ACTR3B: variants seen among roughly 807,000 people sequenced by gnomAD.
The protein encoded by ACTR3B is actin related protein 3B.
A neutral mutation model predicts 59.0 loss-of-function variants in ACTR3B; 8 were observed. The observed-to-expected ratio is 0.14, with a 90% confidence interval of 0.08 to 0.24. The LOEUF (loss-of-function observed/expected upper bound fraction) is 0.24, where lower values mean the gene tolerates loss of function less well. Ranked by LOEUF, ACTR3B falls within the 10% of genes least tolerant of loss-of-function variation. The probability of loss-of-function intolerance (pLI) is 1.00; values close to 1 mark genes in which losing one functional copy is unlikely to be tolerated. For synonymous variants in ACTR3B, 148 were observed against 197.9 expected (o/e 0.75, Z 2.12); for missense variants, 245 against 552.3 (o/e 0.44, Z 5.58).
chr7:152,803,258 A>C (rs1274665461), intron 4 of ACTR3B, among the ~76,000 whole-genome samples: 1 of 152,076 alleles, frequency 6.6e-6, no homozygotes, highest in Non-Finnish European at 1.5e-5. Flanking sequence ...ATGTTGTCCA[A>C]GCTGGCCTCA....
At chr7:152,836,892 C>T (rs1478665907) in intron 9 of ACTR3B, among the ~76,000 whole-genome samples, 1 of 152,124 alleles carries the variant, frequency 6.6e-6, no homozygotes, top group South Asian at 2.1e-4. Flanking sequence ...GAATGCAGGC[C>T]GGCCTTCATG....
chr7:152,767,263 A>G (rs2098113381), intron 1 of ACTR3B, among the ~76,000 whole-genome samples: 1 of 152,122 alleles, frequency 6.6e-6, no homozygotes, highest in African/African-American at 2.4e-5. Context: ...AAACCCAATG[A>G]CTGGAGATGC....
At chr7:152,761,532 C>T (rs749794953) in intron 1 of ACTR3B, among the ~76,000 whole-genome samples, 24 of 152,082 alleles carry the variant, frequency 1.6e-4, no homozygotes, top group Non-Finnish European at 3.4e-4. Flanking sequence ...CCTAAAATGT[C>T]GTGCTCAGTT....
intron 2 of ACTR3B, among the ~76,000 whole-genome samples, chr7:152,791,939 T>C (rs1480691600): frequency 1.3e-5 from 2 of 152,248 alleles, no homozygotes; most frequent in Non-Finnish European, 2.9e-5. Context: ...TTGCCCAGGC[T>C]GGAGTGCAGT....
At chr7:152,853,920 T>G (rs547788404) in intron 11 of ACTR3B, among the ~76,000 whole-genome samples, 1 of 152,150 alleles carries the variant, frequency 6.6e-6, no homozygotes, top group South Asian at 2.1e-4. Flanking sequence ...GATGGGGTTT[T>G]GCTGTGTTGG....
intron 2 of ACTR3B, among the ~76,000 whole-genome samples, chr7:152,789,872 A>C (rs1440657187): frequency 6.6e-6 from 1 of 151,672 alleles, no homozygotes; most frequent in Admixed American, 6.6e-5. Flanking sequence ...GTGCTCTTCT[A>C]TTCCTAGTTT....
intron 1 of ACTR3B, among the ~76,000 whole-genome samples, chr7:152,782,374 T>G (rs2098157147): frequency 2.0e-5 from 3 of 152,098 alleles, no homozygotes; most frequent in African/African-American, 7.2e-5. Flanking sequence ...GCGTTTCAAC[T>G]TTATTTCCAG....
intron 3 of ACTR3B, 130 bp downstream of exon 3, chr7:152,800,785 G>A: frequency 2.5e-6 from 3 of 1,209,918 alleles, no homozygotes; most frequent in Non-Finnish European, 3.4e-6. Context: ...TTTGAATAGA[G>A]GTGGTGGTGA....
rs574954515 is a variant in ACTR3B at position 152,824,095 on chromosome 7, C to T, written c.858+580C>T. On this transcript the variant is annotated intron_variant, in intron 8 of 11. Transcript: ENST00000256001. The surrounding 1 kb of genome is among the most constrained non-coding windows in gnomAD (Gnocchi z 4.2). ...TTTGCAGAAAGCAGTAATTAAGAGG[C>T]ACATTTTAAGATTTACATATAATGC... is the stretch of plus-strand genomic sequence containing the variant. Among the ~76,000 whole-genome samples the T allele has an allele frequency of 5.2e-4, 79 of 152,258 alleles. 2 individuals carry two copies. The South Asian group carries it at 0.016, about 30-fold the overall frequency.
chr7:152,759,997 T>G, intron 1 of ACTR3B, 71 bp downstream of exon 1: 7 of 1,246,642 alleles, frequency 5.6e-6, no homozygotes, highest in Non-Finnish European at 6.1e-6. Flanking sequence ...CCACCTCGCC[T>G]GGAGGTCGAG....
chr7:152,834,104 A>G (rs1032875257), intron 9 of ACTR3B, among the ~76,000 whole-genome samples: 5 of 137,138 alleles, frequency 3.6e-5, no homozygotes, highest in Admixed American at 2.8e-4. Flanking sequence ...TCTAAATTGT[A>G]AAAAAACACT....
intron 1 of ACTR3B, among the ~76,000 whole-genome samples, chr7:152,766,975 A>AG (rs1196272604): frequency 1.3e-4 from 20 of 152,090 alleles, no homozygotes; most frequent in Middle Eastern, 6.8e-3. Flanking sequence ...TTAGTAGAGA[A>AG]GGGGGTTTTA....
intron 2 of ACTR3B, among the ~76,000 whole-genome samples, chr7:152,787,062 C>T (rs1270606619): frequency 2.0e-5 from 3 of 152,222 alleles, no homozygotes; most frequent in African/African-American, 2.4e-5. Flanking sequence ...TGTCACAGAG[C>T]GTACACCCCT....
chr7:152,833,780 A>G (rs1461926710), intron 9 of ACTR3B, among the ~76,000 whole-genome samples: 2 of 152,180 alleles, frequency 1.3e-5, no homozygotes, highest in Non-Finnish European at 2.9e-5. Context: ...GTGCTGTGAC[A>G]TTCTTTACCA....
In ACTR3B at chr7:152,828,318, C is replaced by T. The variant is rs529970512; in HGVS notation, c.951+3196C>T. 1.9e-3 allele frequency among the ~76,000 whole-genome samples: 288 copies of T among 152,096 alleles called. 1 individual carries two copies. Among genetic ancestry groups the T allele is most frequent in the African/African-American group, 6.7e-3 (277 of 41,518 alleles). On this transcript the variant is annotated intron_variant, in intron 9 of 11. Coordinates refer to ENST00000256001, the MANE Select transcript of ACTR3B (RefSeq NM_020445.6). ...GGTAGAGTCACACACTACTCTAGGG[C>T]TCCTGCTGACTTGGTTTCTGGAAGC...
chr7:152,793,854 A>G (rs1030990748), intron 2 of ACTR3B, among the ~76,000 whole-genome samples: 17 of 151,110 alleles, frequency 1.1e-4, no homozygotes, highest in East Asian at 7.9e-4. Flanking sequence ...GAATGGGGAT[A>G]CCACTTCATT....
intron 1 of ACTR3B, among the ~76,000 whole-genome samples, chr7:152,765,317 A>G (rs1399829012): frequency 1.3e-5 from 2 of 150,964 alleles, no homozygotes; most frequent in East Asian, 2.0e-4. Flanking sequence ...GGGTTTCTCC[A>G]TGTTGGTCAG....
At chr7:152,807,264 AT>A (rs1294883056) in intron 4 of ACTR3B, among the ~76,000 whole-genome samples, 1 of 152,188 alleles carries the variant, frequency 6.6e-6, no homozygotes, top group South Asian at 2.1e-4. Flanking sequence ...GTCTTATCAC[AT>A]TAACATAGGT....
intron 9 of ACTR3B, among the ~76,000 whole-genome samples, chr7:152,844,775 A>T (rs1798137719): frequency 6.9e-6 from 1 of 145,902 alleles, no homozygotes; most frequent in Admixed American, 7.1e-5. Context: ...ACAAGAGCCC[A>T]TGTATGTCTT....
Sources: gnomAD v4.1 joint callset for allele counts (sites outside exome capture counted in the v4.1 genomes callset) on GRCh38, gnomAD v4.1.1 for gene constraint, Gnocchi (gnomAD v3.1) non-coding constraint, MANE v1.5 for transcripts, NCBI Gene and HGNC (gene_info 2026-07-23, HGNC 2026-07-21) for gene names.